The following MGAM2 variants were observed in gnomAD, a reference collection of about 807,000 sequenced individuals.
The protein encoded by MGAM2 is maltase-glucoamylase 2 (putative), also known as probable maltase-glucoamylase 2.
Under a neutral mutation model 96.1 loss-of-function variants are expected in MGAM2, and 98 were observed. That is an observed-to-expected ratio of 1.02 (90% CI 0.87 to 1.21). The LOEUF is 1.21. Among genes scored for constraint, MGAM2 ranks in the 50% most tolerant of loss-of-function variants. MGAM2 has a pLI of 0.00. For synonymous variants in MGAM2, 749 were observed against 414.8 expected (o/e 1.81, Z -9.79); for missense variants, 2,055 against 1,182.4 (o/e 1.74, Z -10.82).
At chr7:142,179,717 T>G (rs984303402) in intron 32 of MGAM2, among the ~76,000 whole-genome samples, 18 of 152,202 alleles carry the variant, frequency 1.2e-4, no homozygotes, top group African/African-American at 4.3e-4. Flanking sequence ...AAAGCCTACT[T>G]GAACATGGTC....
chr7:142,141,162 G>A, intron 12 of MGAM2, 43 bp downstream of exon 12: 1 of 687,004 alleles, frequency 1.5e-6, no homozygotes, highest in Non-Finnish European at 2.6e-6. Flanking sequence ...ATTGTTTTGG[G>A]GAGTTGTACT....
chr7:142,140,712 C>T, intron 10 of MGAM2, 90 bp from the exon 11 acceptor site: 1 of 571,674 alleles, frequency 1.7e-6, no homozygotes, highest in Non-Finnish European at 3.1e-6. Context: ...AATATGGTTT[C>T]ATTTTCAATG....
chr7:142,210,486 GCT>G (rs1167486380), intron 46 of MGAM2, among the ~76,000 whole-genome samples: 5 of 152,170 alleles, frequency 3.3e-5, no homozygotes, highest in Non-Finnish European at 7.4e-5. Flanking sequence ...GACGTGGGAA[GCT>G]CGAGTTTGGT....
chr7:142,171,103 T>A lies in MGAM2; in HGVS notation c.3183-169T>A. On this transcript the variant is annotated intron_variant, in intron 27 of 47. Coordinates refer to ENST00000477922, the MANE Select transcript of MGAM2 (RefSeq NM_001293626.2). ...ACAGAAATCTAACATGGAACTTTGG[T>A]CCTGAGTCAGGGCCATTGTTATGAC... is the stretch of plus-strand genomic sequence containing the variant. 3 of 658,116 alleles carry A rather than the reference T, an allele frequency of 4.6e-6. No individual in the cohort carries two copies. In the South Asian group the frequency reaches 4.8e-5, roughly 11 times the overall value. 40.8% of individuals were successfully genotyped at this position (658,116 alleles called of 1,614,324 possible).
chr7:142,189,589 T>C, intron 37 of MGAM2, 84 bp downstream of exon 37: 1 of 539,060 alleles, frequency 1.9e-6, no homozygotes, highest in Non-Finnish European at 3.3e-6. Context: ...TGCATGTATC[T>C]ACGTGATCCG....
chr7:142,113,145 G>A (rs1167361008), intron 1 of MGAM2, among the ~76,000 whole-genome samples: 1 of 152,170 alleles, frequency 6.6e-6, no homozygotes, highest in Non-Finnish European at 1.5e-5. Flanking sequence ...GTTGAGAAGA[G>A]CAGGGAGGCA....
chr7:142,152,105 A>G (rs1795598906), intron 15 of MGAM2, among the ~76,000 whole-genome samples: 1 of 152,142 alleles, frequency 6.6e-6, no homozygotes, highest in Admixed American at 6.5e-5. Context: ...CCTGGGGGAT[A>G]GAAAAGAGAA....
chr7:142,131,436 CAAAACA>C, intron 4 of MGAM2, 76 bp from the exon 5 acceptor site: 4 of 661,012 alleles, frequency 6.1e-6, no homozygotes, highest in South Asian at 1.7e-5. Flanking sequence ...GACTCCATCT[CAAAACA>C]AAAACAAAAA....
chr7:142,150,667 C>T (rs1245252180), intron 15 of MGAM2, among the ~76,000 whole-genome samples: 1 of 152,176 alleles, frequency 6.6e-6, no homozygotes, highest in Non-Finnish European at 1.5e-5. Context: ...ATGTTAAAAT[C>T]TAGAAAGCAC....
chr7:142,198,107 A>T, intron 42 of MGAM2, 32 bp from the exon 43 acceptor site: 1 of 697,378 alleles, frequency 1.4e-6, no homozygotes. Flanking sequence ...TTTTTGAAAT[A>T]TTCATAATGA....
intron 46 of MGAM2, among the ~76,000 whole-genome samples, chr7:142,211,531 A>C (rs534278780): frequency 6.6e-6 from 1 of 152,324 alleles, no homozygotes; most frequent in South Asian, 2.1e-4. Context: ...TAGCATGAGA[A>C]CTTCGTGAAG....
chr7:142,208,459 A>G (rs1797477926), intron 45 of MGAM2, 114 bp from the exon 46 acceptor site: 1 of 666,706 alleles, frequency 1.5e-6, no homozygotes, highest in African/African-American at 1.8e-5. Flanking sequence ...GAGAGGTGAC[A>G]ATCATCAGTA....
Position 142,140,809 on chromosome 7 carries a change from A to G in MGAM2, c.1094A>G (p.Gln365Arg). The G allele has an allele frequency of 1.4e-6, 1 of 702,680 alleles. No homozygotes were observed. Among genetic ancestry groups the G allele is most frequent in the Non-Finnish European group, 2.6e-6 (1 of 384,860 alleles). 43.5% of individuals were successfully genotyped at this position (702,680 alleles called of 1,614,324 possible). Residue 365 changes from glutamine (Q) to arginine (R), a missense_variant, in exon 11 of 48, where the codon CAG becomes CGG. By Grantham distance (43) the Gln-to-Arg change is conservative (BLOSUM62 1). Coordinates refer to ENST00000477922, the MANE Select transcript of MGAM2 (RefSeq NM_001293626.2). ...ACCAGAGCTCTCTTTCAGGATGTCC[A>G]GTACTCTGACATAGACTACATGGAT... ...NRLAEIPYDV[Q>R]YSDIDYMDGK...
At chr7:142,114,196 AAG>A (rs1425240520) in intron 1 of MGAM2, among the ~76,000 whole-genome samples, 1 of 134,476 alleles carries the variant, frequency 7.4e-6, no homozygotes, top group Non-Finnish European at 1.5e-5. Flanking sequence ...GAAAGAAAGA[AAG>A]AAAGAAAGAA....
Position 142,170,141 on chromosome 7 carries a change from G to C in MGAM2, c.3094G>C (p.Gly1032Arg). The change falls in exon 27 of 48, where the codon GGT (glycine) becomes CGT (arginine). Residue 1032 changes from glycine to arginine, a missense_variant. Gly to Arg is a moderately radical substitution (Grantham distance 125). Transcript: ENST00000477922. ...ACTGAACACCCCTCCCCAACCAGTT[G>C]GTGACCCTGAAAACCGTCTGTATGA... The part of the protein sequence containing the change: ...VPLNTPPQPV[G>R]DPENRLYDVR... The C allele has an allele frequency of 1.4e-6, 1 of 702,850 alleles. No individual in the cohort carries two copies. Among genetic ancestry groups the C allele is most frequent in the Non-Finnish European group, 2.6e-6 (1 of 384,928 alleles). The allele number at this position is 702,850 out of a possible 1,614,324, so 43.5% of individuals were successfully genotyped here. A position where few individuals can be genotyped will look rare whatever the true frequency, so the allele number is the denominator to read the frequency against.
chr7:142,143,555 T>C (rs1029364519), intron 12 of MGAM2, among the ~76,000 whole-genome samples: 2 of 152,220 alleles, frequency 1.3e-5, no homozygotes, highest in Non-Finnish European at 2.9e-5. Context: ...GGACTTATGG[T>C]GGCTTTTCAT....
At chr7:142,122,172 T>A (rs946056218) in intron 3 of MGAM2, among the ~76,000 whole-genome samples, 9 of 152,224 alleles carry the variant, frequency 5.9e-5, no homozygotes, top group African/African-American at 2.2e-4. Context: ...TACTTTGCCT[T>A]CTCGTATTTA....
At chr7:142,116,812 T>C in intron 1 of MGAM2, 62 bp from the exon 2 acceptor site, 1 of 699,954 alleles carries the variant, frequency 1.4e-6, no homozygotes, top group Non-Finnish European at 2.6e-6. Context: ...AATGATTATG[T>C]ATCCTCTTAG....
chr7:142,208,126 C>T (rs1427096404), intron 45 of MGAM2: 2 of 455,922 alleles, frequency 4.4e-6, no homozygotes, highest in African/African-American at 4.0e-5. Context: ...TGAGTTTGCA[C>T]AGCTATTAAG....
Sources: allele counts gnomAD v4.1 joint callset (sites outside exome capture counted in the v4.1 genomes callset), GRCh38; gene constraint gnomAD v4.1.1; transcripts MANE v1.5; gene names NCBI Gene and HGNC (gene_info 2026-07-23, HGNC 2026-07-21).